ATXN2: variants seen among roughly 807,000 people sequenced by gnomAD.
The protein encoded by ATXN2 is ataxin-2.
In ATXN2, 37 loss-of-function variants were observed where a neutral mutation model predicts 138.6. The observed-to-expected ratio is 0.27, with a 90% CI of 0.21 to 0.35. The LOEUF (loss-of-function observed/expected upper bound fraction) is 0.35. ATXN2 is among the 10% of genes least tolerant of loss of function. The pLI is 1.00. For missense variants in ATXN2, 1,216 were observed against 1,480.3 expected, an observed-to-expected ratio of 0.82 and a Z score of 2.93; for synonymous variants, 549 against 543.7, an observed-to-expected ratio of 1.01 and a Z score of -0.13.
chr12:111,453,012 G>A lies in ATXN2; in HGVS notation c.3440-172C>T. On this transcript the variant is annotated intron_variant, in intron 24 of 24. Transcript: ENST00000673436. The surrounding 1 kb of genome is among the most constrained non-coding windows in gnomAD (Gnocchi z 5.4). Reference sequence around the variant, plus strand: ...CCAAAGTGGGGAGGGTTGGGTGGGTGGGTAGAAACAAACCAGTCAGACGTA... The same window carrying A: ...CCAAAGTGGGGAGGGTTGGGTGGGTAGGTAGAAACAAACCAGTCAGACGTA... 1 of 1,276,126 alleles carries A rather than the reference G, an allele frequency of 7.8e-7. No individual in the cohort carries two copies. Among genetic ancestry groups the A allele is most frequent in the Non-Finnish European group, 9.9e-7 (1 of 1,011,386 alleles). The allele number at this position is 1,276,126 out of a possible 1,614,324, so 79.1% of individuals were successfully genotyped here.
chr12:111,479,295 G>A (rs1270552399), intron 18 of ATXN2, among the ~76,000 whole-genome samples: 1 of 146,418 alleles, frequency 6.8e-6, no homozygotes, highest in Non-Finnish European at 1.5e-5. Context: ...ACTCACACCT[G>A]TAATCCCAGC....
At chr12:111,465,154 T>C (rs1418597553) in intron 20 of ATXN2, among the ~76,000 whole-genome samples, 2 of 152,196 alleles carry the variant, frequency 1.3e-5, no homozygotes, top group African/African-American at 4.8e-5. Context: ...ATAGCAAGAA[T>C]ATAAACATGA....
intron 14 of ATXN2, among the ~76,000 whole-genome samples, chr12:111,492,710 G>A (rs908325335): frequency 1.3e-5 from 2 of 150,842 alleles, no homozygotes; most frequent in Admixed American, 6.6e-5. Context: ...AAAAGAATGC[G>A]TACAAACAAA....
intron 1 of ATXN2, among the ~76,000 whole-genome samples, chr12:111,569,901 C>A (rs959111868): frequency 1.3e-5 from 2 of 152,058 alleles, no homozygotes; most frequent in East Asian, 3.8e-4. Context: ...GGCTCTAGTC[C>A]CATGCTGTCC....
chr12:111,581,645 GTT>G, intron 1 of ATXN2: 2 of 753,576 alleles, frequency 2.7e-6, no homozygotes, highest in Non-Finnish European at 4.9e-6. Context: ...CAAGAAGATG[GTT>G]GGCGACCTGA....
At chr12:111,464,247 G>GGTGTGT (rs57717176) in intron 21 of ATXN2, among the ~76,000 whole-genome samples, 14,732 of 134,176 alleles carry the variant, frequency 0.11, 1,007 homozygotes, top group East Asian at 0.19. Flanking sequence ...TGTGGCTTGG[G>GGTGTGT]GTGTGTGTGT....
At chr12:111,499,206 T>C (rs1173394623) in intron 14 of ATXN2, among the ~76,000 whole-genome samples, 1 of 152,024 alleles carries the variant, frequency 6.6e-6, no homozygotes, top group Non-Finnish European at 1.5e-5. Flanking sequence ...TGGGATCACA[T>C]CAAGTTAAAA....
intron 20 of ATXN2, among the ~76,000 whole-genome samples, chr12:111,465,805 G>A (rs1476818767): frequency 6.8e-6 from 1 of 146,506 alleles, no homozygotes; most frequent in South Asian, 2.2e-4. Flanking sequence ...GTAGATGTGA[G>A]AGGAAAAAAA....
intron 14 of ATXN2, among the ~76,000 whole-genome samples, chr12:111,491,171 T>C (rs898150554): frequency 3.9e-5 from 6 of 152,050 alleles, no homozygotes; most frequent in Admixed American, 2.0e-4. Context: ...GAGAATTATT[T>C]GAACCCGGGA....
intron 5 of ATXN2, among the ~76,000 whole-genome samples, chr12:111,541,747 G>A (rs1250324575): frequency 1.4e-5 from 2 of 147,808 alleles, no homozygotes; most frequent in African/African-American, 4.9e-5. Context: ...ATAAGCTTTA[G>A]AATCATTTTG....
chr12:111,486,698 A>T (rs988463169), intron 16 of ATXN2, 63 bp downstream of exon 16: 13 of 1,372,992 alleles, frequency 9.5e-6, no homozygotes, highest in South Asian at 1.2e-5. Context: ...TGGAAGAAGG[A>T]CTATTACTAA....
At chr12:111,548,406 A>G (rs996333697) in intron 5 of ATXN2, among the ~76,000 whole-genome samples, 1 of 152,226 alleles carries the variant, frequency 6.6e-6, no homozygotes, top group Non-Finnish European at 1.5e-5. Context: ...ACAACTTGTG[A>G]TGATTATGTG....
At chr12:111,563,883 G>A (rs982051803) in intron 1 of ATXN2, among the ~76,000 whole-genome samples, 3 of 151,942 alleles carry the variant, frequency 2.0e-5, no homozygotes, top group African/African-American at 7.3e-5. Flanking sequence ...TCAAATATAC[G>A]ATGCTGTTTT....
intron 1 of ATXN2, among the ~76,000 whole-genome samples, chr12:111,584,729 G>A (rs1884230836): frequency 6.6e-6 from 1 of 151,980 alleles, no homozygotes; most frequent in African/African-American, 2.4e-5. Context: ...ACTTTGGGAG[G>A]CCGAGGCAAG....
chr12:111,543,664 C>A (rs1283441950), intron 5 of ATXN2, among the ~76,000 whole-genome samples: 1 of 152,256 alleles, frequency 6.6e-6, no homozygotes, highest in African/African-American at 2.4e-5. Context: ...CAATGTCATG[C>A]AGTACAACAT....
intron 1 of ATXN2, among the ~76,000 whole-genome samples, chr12:111,589,346 A>G (rs980668966): frequency 4.6e-5 from 7 of 151,860 alleles, no homozygotes; most frequent in Admixed American, 4.0e-4. Flanking sequence ...ATAATTTAAA[A>G]AACCAGCCAG....
At chr12:111,576,115 CATAACATAACATAACATA>C (rs1333015022) in intron 1 of ATXN2, among the ~76,000 whole-genome samples, 3 of 137,966 alleles carry the variant, frequency 2.2e-5, no homozygotes, top group Non-Finnish European at 4.4e-5. Flanking sequence ...CATAACATAA[CATAACATAACATAACATA>C]ACATCACACC....
At chr12:111,496,351 G>A (rs934623978) in intron 14 of ATXN2, among the ~76,000 whole-genome samples, 1 of 151,828 alleles carries the variant, frequency 6.6e-6, no homozygotes, top group Admixed American at 6.6e-5. Flanking sequence ...GACCAACATG[G>A]TGAAACCCCC....
chr12:111,580,080 C>G (rs1883909902), intron 1 of ATXN2, among the ~76,000 whole-genome samples: 1 of 152,114 alleles, frequency 6.6e-6, no homozygotes, highest in South Asian at 2.1e-4. Context: ...CCCCAAGTAG[C>G]TGGGACTATG....
Sources: gnomAD v4.1 joint callset for allele counts (sites outside exome capture counted in the v4.1 genomes callset) on GRCh38, gnomAD v4.1.1 for gene constraint, Gnocchi (gnomAD v3.1) non-coding constraint, MANE v1.5 for transcripts, NCBI Gene and HGNC (gene_info 2026-07-23, HGNC 2026-07-21) for gene names.